FMNL1: variants seen among roughly 807,000 people sequenced by gnomAD.
FMNL1 encodes the protein formin like 1.
A neutral mutation model predicts 121.3 loss-of-function variants in FMNL1; 43 were observed. The ratio of observed to expected loss-of-function variants is 0.35; its 90% CI spans 0.28 to 0.46. The LOEUF (loss-of-function observed/expected upper bound fraction) is 0.46, where lower values mean the gene tolerates loss of function less well. Among genes scored for constraint, FMNL1 ranks in the 20% least tolerant of loss-of-function variants. The pLI, the probability that FMNL1 is intolerant of heterozygous loss-of-function variation, is 1.00. For missense variants in FMNL1, 1,191 were observed against 1,482.4 expected, an observed-to-expected ratio of 0.80 and a Z score of 3.23; for synonymous variants, 613 against 613.5, an observed-to-expected ratio of 1.00 and a Z score of 0.01.
At chr17:45,243,067 G>C (rs1567971006) in intron 16 of FMNL1, 51 bp from the exon 17 acceptor site, 1 of 1,596,682 alleles carries the variant, frequency 6.3e-7, no homozygotes, top group African/African-American at 1.3e-5. Flanking sequence ...AGCCAGGAGA[G>C]TGCCAGACCC....
intron 1 of FMNL1, 49 bp downstream of exon 1, chr17:45,222,302 G>T: frequency 8.7e-7 from 1 of 1,147,340 alleles, no homozygotes. Context: ...GGCGGCAGGG[G>T]CGCGGCAGGG....
In FMNL1 at chr17:45,233,545, G is replaced by T. The variant is rs1317668004; in HGVS notation, c.402-103G>T. ...ATCCTTTGGTATCATTGGGTCTTTG[G>T]GGGTTGAAAGGGCACCCCAGGGGTC... On this transcript the variant is annotated intron_variant, in intron 4 of 26. Transcript: ENST00000331495. The surrounding 1 kb of genome is among the most constrained non-coding windows in gnomAD (Gnocchi z 4.1). The T allele has an allele frequency of 1.5e-6, 2 of 1,333,620 alleles. No individual in the cohort carries two copies. The highest frequency in any genetic ancestry group is 2.3e-5 in the East Asian group (1 of 43,234). The allele number at this position is 1,333,620 out of a possible 1,614,324, so 82.6% of individuals were successfully genotyped here. A position where few individuals can be genotyped will look rare whatever the true frequency, so the allele number is the denominator to read the frequency against.
At chr17:45,239,654 G>A (rs1162764258) in intron 11 of FMNL1, among the ~76,000 whole-genome samples, 8 of 152,162 alleles carry the variant, frequency 5.3e-5, no homozygotes, top group Admixed American at 5.2e-4. Flanking sequence ...AAGGTAGAGA[G>A]CAGGCTGGCG....
At chr17:45,222,481 C>G (rs2043247553) in intron 1 of FMNL1, among the ~76,000 whole-genome samples, 1 of 152,176 alleles carries the variant, frequency 6.6e-6, no homozygotes, top group Non-Finnish European at 1.5e-5. Context: ...CTCCCTAAGA[C>G]GCCTCCACCC....
chr17:45,222,380 C>T (rs911466146), intron 1 of FMNL1, 127 bp downstream of exon 1: 5 of 811,404 alleles, frequency 6.2e-6, no homozygotes, highest in Non-Finnish European at 7.8e-6. Context: ...GGCAGCTGCC[C>T]CCTCCAGGAG....
chr17:45,237,966 C>T lies in FMNL1; in HGVS notation c.894+327C>T, dbSNP rs957013768. On this transcript the variant is annotated intron_variant, in intron 9 of 26. Coordinates refer to ENST00000331495, the MANE Select transcript of FMNL1 (RefSeq NM_005892.4). This position sits in a 1 kb window ranked among gnomAD's most constrained non-coding sequence, Gnocchi z 4.4. The stretch of plus-strand genomic sequence containing the variant: ...GGAGTTGCGGACTCTGGCTAACAGG[C>T]TTGCAAGAAGTAGATGTGTGGGGCT... The T allele has an allele frequency of 3.4e-6, 1 of 293,150 alleles. No individual in the cohort carries two copies. Among genetic ancestry groups the T allele is most frequent in the African/African-American group, 2.2e-5 (1 of 46,488 alleles). The allele number at this position is 293,150 out of a possible 1,614,324, so 18.2% of individuals were successfully genotyped here. A position where few individuals can be genotyped will look rare whatever the true frequency, so the allele number is the denominator to read the frequency against.
At chr17:45,245,442 A>T (rs1464086081) in intron 22 of FMNL1, 26 bp downstream of exon 22, 1 of 1,613,662 alleles carries the variant, frequency 6.2e-7, no homozygotes, top group Non-Finnish European at 8.5e-7. Context: ...CCTCACCTGG[A>T]GGTGGGGCAT....
chr17:45,238,668 C>G (rs767703556), intron 10 of FMNL1, 30 bp downstream of exon 10: 51 of 1,613,294 alleles, frequency 3.2e-5, no homozygotes, highest in Non-Finnish European at 4.2e-5. Context: ...AGCCTGAGGC[C>G]TGGGCCAGGC....
In FMNL1 at chr17:45,222,092, T is replaced by G; in HGVS notation, c.-33T>G. 1 of 1,142,292 alleles carries G rather than the reference T, an allele frequency of 8.8e-7. No homozygotes were observed. Among genetic ancestry groups the G allele is most frequent in the Non-Finnish European group, 1.1e-6 (1 of 931,100 alleles). 70.8% of individuals were successfully genotyped at this position (1,142,292 alleles called of 1,614,324 possible). Reference sequence around the variant, plus strand: ...CCCCGGAAAGCTGGATTTCCGAGGCTGGAGGCGCCTGGCCGGCTGGGTGGG... The same window carrying G: ...CCCCGGAAAGCTGGATTTCCGAGGCGGGAGGCGCCTGGCCGGCTGGGTGGG... On this transcript the variant is annotated 5_prime_UTR_variant, in exon 1 of 27. Coordinates refer to ENST00000331495, the MANE Select transcript of FMNL1 (RefSeq NM_005892.4).
rs2043856068 is a variant in FMNL1, at chr17:45,247,103, ATCC to A, written c.*251_*253del. ...TGGCCCGCCTCAAACGGGCTGGTGC[ATCC>A]TCCTCTTGGCCACAGAGGGCAGCAT... On this transcript the variant is annotated 3_prime_UTR_variant, in exon 27 of 27. Transcript: ENST00000331495. 150 of 600,804 alleles carry A rather than the reference ATCC, an allele frequency of 2.5e-4. No homozygotes were observed. The South Asian group carries it at 2.8e-3, about 11-fold the overall frequency. The allele number at this position is 600,804 out of a possible 1,614,324, so 37.2% of individuals were successfully genotyped here. A position where few individuals can be genotyped will look rare whatever the true frequency, so the allele number is the denominator to read the frequency against.
rs112786048 is a variant in FMNL1 at position 45,241,117 on chromosome 17, C to T, written c.1231-12C>T. ...GCTGCGGGTCGGGGCTCACCATGTG[C>T]TGGTGCTACAGCTGACAGAGCGGCT... On this transcript the variant is annotated splice_polypyrimidine_tract_variant and intron_variant, in intron 12 of 26. Transcript: ENST00000331495. The surrounding 1 kb of genome is among the most constrained non-coding windows in gnomAD (Gnocchi z 7.0). The T allele has an allele frequency of 1.5e-5, 25 of 1,613,748 alleles. 1 individual carries two copies. Among genetic ancestry groups the T allele is most frequent in the African/African-American group, 1.5e-4 (11 of 75,048 alleles).
chr17:45,239,495 C>T (rs2043632127), intron 11 of FMNL1, among the ~76,000 whole-genome samples: 2 of 152,140 alleles, frequency 1.3e-5, no homozygotes, highest in Non-Finnish European at 2.9e-5. Context: ...TGGAGGAGTT[C>T]CCTGCCCTGG....
chr17:45,223,899 A>G (rs1033908703), intron 1 of FMNL1, among the ~76,000 whole-genome samples: 1 of 152,136 alleles, frequency 6.6e-6, no homozygotes, highest in Non-Finnish European at 1.5e-5. Flanking sequence ...CACAAGTCAA[A>G]TGGTGAGGTT....
chr17:45,233,853 C>G lies in FMNL1; in HGVS notation c.485+122C>G, dbSNP rs966548237. 15 of 1,404,126 alleles carry G rather than the reference C, an allele frequency of 1.1e-5. No individual in the cohort carries two copies. The African/African-American group carries it at 2.1e-4, about 20-fold the overall frequency. 87.0% of individuals were successfully genotyped at this position (1,404,126 alleles called of 1,614,324 possible). On this transcript the variant is annotated intron_variant, in intron 5 of 26. Transcript: ENST00000331495. The surrounding 1 kb of genome is among the most constrained non-coding windows in gnomAD (Gnocchi z 4.1). The stretch of plus-strand genomic sequence containing the variant: ...CAGCCCGAGCCTACCCTGGAACCCT[C>G]CACTTGGCCTTGAGCGATGCTCCTT...
chr17:45,224,988 T>G (rs1012380133), intron 1 of FMNL1, among the ~76,000 whole-genome samples: 1 of 152,170 alleles, frequency 6.6e-6, no homozygotes, highest in African/African-American at 2.4e-5. Context: ...GGGACTGGGA[T>G]GACAAGGCGA....
rs1017910640 is a variant in FMNL1, at chr17:45,247,308, T to C, written c.*450T>C. ...TATTTTTATATGAGATTAATAAAGA[T>C]GTTTGCAAAAGATCCGCGTCGGCTC... On this transcript the variant is annotated 3_prime_UTR_variant, in exon 27 of 27. Coordinates refer to ENST00000331495, the MANE Select transcript of FMNL1 (RefSeq NM_005892.4). 5 of 273,092 alleles carry C rather than the reference T, an allele frequency of 1.8e-5. No individual in the cohort carries two copies. Among genetic ancestry groups the C allele is most frequent in the African/African-American group, 8.8e-5 (4 of 45,536 alleles). The allele number at this position is 273,092 out of a possible 1,614,324, so 16.9% of individuals were successfully genotyped here. A position where few individuals can be genotyped will look rare whatever the true frequency, so the allele number is the denominator to read the frequency against.
chr17:45,232,594 A>C (rs904984060), intron 3 of FMNL1, 114 bp downstream of exon 3: 6 of 908,484 alleles, frequency 6.6e-6, no homozygotes, highest in Non-Finnish European at 1.0e-5. Context: ...TGCATGTATG[A>C]GTGTGTGTGT....
rs1801353 is a variant in FMNL1, at chr17:45,242,403, C to T, written c.1948C>T (p.Leu650=). Residue 650 remains leucine, a synonymous_variant, in exon 16 of 27, where the codon CTG becomes TTG. Transcript: ENST00000331495. ...FRMPLLNWVA[L]KPSQITGTVF... is the part of the protein sequence containing the mutation. ...AATGCCACTCTTGAACTGGGTGGCA[C>T]TGAAACCCAGCCAGATCACCGGCAC... The T allele has an allele frequency of 0.47, 757,972 of 1,612,922 alleles. 184,411 individuals are homozygous for T. The highest frequency in any genetic ancestry group is 0.51 in the Non-Finnish European group (596,767 of 1,179,312).
intron 6 of FMNL1, chr17:45,234,695 AAAG>A (rs2043515960): frequency 6.4e-6 from 1 of 156,936 alleles, no homozygotes; most frequent in Admixed American, 6.7e-5. Context: ...AAAGAAAAGA[AAAG>A]AAAAAAGAAG....
Sources: gnomAD v4.1 joint callset for allele counts (sites outside exome capture counted in the v4.1 genomes callset) on GRCh38, gnomAD v4.1.1 for gene constraint, Gnocchi (gnomAD v3.1) non-coding constraint, MANE v1.5 for transcripts, NCBI Gene and HGNC (gene_info 2026-07-23, HGNC 2026-07-21) for gene names.